Variants in KIF21A observed in about 807,000 individuals in gnomAD.
The protein encoded by KIF21A is kinesin-like protein KIF21A.
A neutral mutation model predicts 202.9 loss-of-function variants in KIF21A; 114 were observed. That is an observed-to-expected ratio of 0.56 (90% confidence interval 0.48 to 0.66). The LOEUF (loss-of-function observed/expected upper bound fraction) is 0.66, where lower values mean the gene tolerates loss of function less well. Ranked by LOEUF, KIF21A falls within the 30% of genes least tolerant of loss-of-function variation. The pLI is 0.00. For synonymous variants in KIF21A, 667 were observed against 670.8 expected (o/e 0.99, Z 0.09); for missense variants, 1,677 against 1,994.9 (o/e 0.84, Z 3.04).
chr12:39,385,502 G>C (rs1950885681), intron 1 of KIF21A, among the ~76,000 whole-genome samples: 1 of 152,122 alleles, frequency 6.6e-6, no homozygotes, highest in Non-Finnish European at 1.5e-5. Flanking sequence ...TATCTTCCTG[G>C]AGTGTCAAGT....
chr12:39,394,163 C>A (rs966451978), intron 1 of KIF21A, among the ~76,000 whole-genome samples: 2 of 152,232 alleles, frequency 1.3e-5, no homozygotes, highest in East Asian at 1.9e-4. Flanking sequence ...AGCAGCCAGG[C>A]AGCGCTTTTT....
At chr12:39,331,869 T>G in intron 21 of KIF21A, 78 bp from the exon 22 acceptor site, 1 of 1,089,890 alleles carries the variant, frequency 9.2e-7, no homozygotes, top group East Asian at 2.4e-5. Flanking sequence ...TTTCACATAT[T>G]TATTTCCTAG....
At chr12:39,319,768 T>C (rs1945000613) in intron 28 of KIF21A, 138 bp downstream of exon 28, 1 of 634,682 alleles carries the variant, frequency 1.6e-6, no homozygotes, top group Non-Finnish European at 2.8e-6. Context: ...AAAAGCTGAC[T>C]TGACTGTCTT....
chr12:39,331,001 T>C (rs1198326925), intron 22 of KIF21A, 90 bp from the exon 23 acceptor site: 2 of 1,382,296 alleles, frequency 1.4e-6, no homozygotes, highest in Non-Finnish European at 2.1e-6. Context: ...ATATGATATA[T>C]GGGTTTTGAC....
intron 34 of KIF21A, 31 bp from the exon 35 acceptor site, chr12:39,304,969 A>G (rs1398075600): frequency 9.1e-7 from 1 of 1,104,758 alleles, no homozygotes; most frequent in East Asian, 2.5e-5. Flanking sequence ...AGTTTTGTTT[A>G]AAATTATTTC....
At chr12:39,403,462 C>T (rs943245598) in intron 1 of KIF21A, among the ~76,000 whole-genome samples, 4 of 151,546 alleles carry the variant, frequency 2.6e-5, no homozygotes, top group African/African-American at 9.8e-5. Context: ...TTCAGTGCTT[C>T]AATTTTAGAT....
At chr12:39,299,113 T>C (rs1408633021) in intron 37 of KIF21A, among the ~76,000 whole-genome samples, 4 of 152,024 alleles carry the variant, frequency 2.6e-5, no homozygotes, top group Non-Finnish European at 5.9e-5. Flanking sequence ...CTGAGTAAGC[T>C]GAGAAAAAGT....
intron 37 of KIF21A, among the ~76,000 whole-genome samples, chr12:39,297,598 G>C (rs553146851): frequency 1.5e-5 from 2 of 130,748 alleles, no homozygotes; most frequent in African/African-American, 5.5e-5. Flanking sequence ...GGGGTGGGGG[G>C]GTGGGGAGGG....
intron 1 of KIF21A, among the ~76,000 whole-genome samples, chr12:39,440,215 T>G (rs1321278594): frequency 6.6e-6 from 1 of 152,192 alleles, no homozygotes; most frequent in Non-Finnish European, 1.5e-5. Context: ...GTAAATGAAC[T>G]AATACAAAAT....
intron 1 of KIF21A, among the ~76,000 whole-genome samples, chr12:39,417,783 T>C (rs1953895317): frequency 6.6e-6 from 1 of 151,962 alleles, no homozygotes; most frequent in Admixed American, 6.6e-5. Flanking sequence ...GGAAAATATA[T>C]ATATATTATT....
At chr12:39,402,202 A>C (rs1041142815) in intron 1 of KIF21A, among the ~76,000 whole-genome samples, 46 of 152,230 alleles carry the variant, frequency 3.0e-4, no homozygotes, top group African/African-American at 1.0e-3. Flanking sequence ...TTTATATTAC[A>C]TAAAAGGATA....
At chr12:39,393,489 T>A (rs932400036) in intron 1 of KIF21A, among the ~76,000 whole-genome samples, 2 of 152,196 alleles carry the variant, frequency 1.3e-5, no homozygotes, top group Non-Finnish European at 2.9e-5. Flanking sequence ...CCTGGTGACT[T>A]GGCTGTGTTC....
At chr12:39,332,439 A>G in intron 20 of KIF21A, 31 bp from the exon 21 acceptor site, 1 of 1,605,328 alleles carries the variant, frequency 6.2e-7, no homozygotes, top group Non-Finnish European at 8.5e-7. Context: ...ATTTTAAGAA[A>G]TTATGTTCAC....
intron 6 of KIF21A, among the ~76,000 whole-genome samples, 171 bp from the exon 7 acceptor site, chr12:39,363,384 T>C (rs902469476): frequency 3.9e-5 from 6 of 152,056 alleles, no homozygotes; most frequent in Non-Finnish European, 7.4e-5. Context: ...TTAGTACATA[T>C]ATATTAGTAC....
At chr12:39,414,860 G>A (rs1182932461) in intron 1 of KIF21A, among the ~76,000 whole-genome samples, 1 of 151,664 alleles carries the variant, frequency 6.6e-6, no homozygotes, top group Non-Finnish European at 1.5e-5. Flanking sequence ...ATAACATGAT[G>A]AAGATTACTT....
intron 37 of KIF21A, among the ~76,000 whole-genome samples, chr12:39,300,875 C>T (rs540233571): frequency 9.2e-5 from 14 of 152,230 alleles, no homozygotes; most frequent in African/African-American, 3.4e-4. Context: ...CACCATTGCA[C>T]TTGTCACCAT....
chr12:39,338,622 C>G (rs1947180813), intron 16 of KIF21A, among the ~76,000 whole-genome samples: 1 of 152,166 alleles, frequency 6.6e-6, no homozygotes. Context: ...TACAGGCATA[C>G]CTTGGAGACC....
chr12:39,362,041 G>A (rs1395641256), intron 7 of KIF21A, among the ~76,000 whole-genome samples: 2 of 152,056 alleles, frequency 1.3e-5, no homozygotes, highest in Middle Eastern at 3.4e-3. Flanking sequence ...AGGGGATCTG[G>A]TTGCTTAAAA....
At chr12:39,322,533 C>A in intron 27 of KIF21A, 135 bp downstream of exon 27, 1 of 669,944 alleles carries the variant, frequency 1.5e-6, no homozygotes, top group Non-Finnish European at 2.5e-6. Flanking sequence ...GGAGACAACA[C>A]CTAGCAAATT....
Sources: gnomAD v4.1 joint callset for allele counts (sites outside exome capture counted in the v4.1 genomes callset) on GRCh38, gnomAD v4.1.1 for gene constraint, MANE v1.5 for transcripts, NCBI Gene and HGNC (gene_info 2026-07-23, HGNC 2026-07-21) for gene names.